COLEC12: variants seen among roughly 807,000 people sequenced by gnomAD.
COLEC12 encodes the protein collectin-12.
Under a neutral mutation model 71.1 loss-of-function variants are expected in COLEC12, and 33 were observed. The ratio of observed to expected loss-of-function variants is 0.46; its 90% CI spans 0.35 to 0.62. The LOEUF (loss-of-function observed/expected upper bound fraction) is 0.62, where lower values mean the gene tolerates loss of function less well. Ranked by LOEUF, COLEC12 falls within the 20% of genes least tolerant of loss-of-function variation. The pLI is 0.00. For synonymous variants in COLEC12, 350 were observed against 353.0 expected (o/e 0.99, Z 0.10); for missense variants, 765 against 916.1 (o/e 0.84, Z 2.13).
At chr18:482,995 A>T (rs1917452868) in intron 1 of COLEC12, among the ~76,000 whole-genome samples, 2 of 152,242 alleles carry the variant, frequency 1.3e-5, no homozygotes, top group African/African-American at 4.8e-5. Flanking sequence ...AAGAGACATG[A>T]TCTAGCTATA....
chr18:367,818 C>T (rs1567886287), intron 2 of COLEC12, among the ~76,000 whole-genome samples: 1 of 152,130 alleles, frequency 6.6e-6, no homozygotes, highest in Admixed American at 6.5e-5. Flanking sequence ...GGCCTGGTGT[C>T]GTGGCCCATG....
intron 2 of COLEC12, among the ~76,000 whole-genome samples, chr18:390,653 G>A (rs913845931): frequency 1.2e-4 from 19 of 152,038 alleles, no homozygotes; most frequent in Non-Finnish European, 1.9e-4. Flanking sequence ...CCAGCTACTC[G>A]GGAGGATGAG....
chr18:448,957 G>A (rs1259900369), intron 2 of COLEC12, among the ~76,000 whole-genome samples: 1 of 152,042 alleles, frequency 6.6e-6, no homozygotes, highest in Non-Finnish European at 1.5e-5. Context: ...AGAATTGTTG[G>A]CTAGATACAC....
intron 2 of COLEC12, among the ~76,000 whole-genome samples, chr18:451,296 C>A (rs1467328413): frequency 6.6e-6 from 1 of 152,128 alleles, no homozygotes; most frequent in Non-Finnish European, 1.5e-5. Flanking sequence ...GACGTTTCCA[C>A]CTAAATGACC....
rs1469346038 is a variant in COLEC12 at position 480,544 on chromosome 18, C to G, written c.58+163G>C. Among the ~76,000 whole-genome samples the G allele has an allele frequency of 6.6e-6, 1 of 152,244 alleles. No individual in the cohort carries two copies. Among genetic ancestry groups the G allele is most frequent in the Middle Eastern group, 3.4e-3 (1 of 294 alleles). Reference sequence around the variant, plus strand: ...CCCTCAGAATTGTGAGAAACCCTCCCCCTGGGACACAGACACTCACTTTCC... The same window carrying G: ...CCCTCAGAATTGTGAGAAACCCTCCGCCTGGGACACAGACACTCACTTTCC... On this transcript the variant is annotated intron_variant, in intron 2 of 9. Transcript: ENST00000400256. The surrounding 1 kb of genome is among the most constrained non-coding windows in gnomAD (Gnocchi z 4.1).
chr18:436,525 A>AAGG (rs1491456419), intron 2 of COLEC12, among the ~76,000 whole-genome samples: 10 of 98,922 alleles, frequency 1.0e-4, no homozygotes, highest in African/African-American at 4.2e-4. Flanking sequence ...CAAAAAAAAA[A>AAGG]GGGGGGGGGG....
intron 2 of COLEC12, among the ~76,000 whole-genome samples, chr18:431,636 T>C (rs542172772): frequency 1.8e-4 from 27 of 152,254 alleles, no homozygotes; most frequent in Admixed American, 3.3e-4. Context: ...GTGTGACATG[T>C]TGAGTTTGAA....
At chr18:347,808 T>G (rs6506120) in intron 4 of COLEC12, among the ~76,000 whole-genome samples, 3,450 of 152,028 alleles carry the variant, frequency 0.023, 131 homozygotes, top group African/African-American at 0.078. Flanking sequence ...GGTATTTGTG[T>G]TTTTTTTCAG....
At chr18:343,353 G>A (rs1409589327) in intron 5 of COLEC12, among the ~76,000 whole-genome samples, 1 of 152,026 alleles carries the variant, frequency 6.6e-6, no homozygotes, top group East Asian at 1.9e-4. Flanking sequence ...TAAAGCTGGG[G>A]TCCCTGTTGT....
intron 2 of COLEC12, among the ~76,000 whole-genome samples, chr18:412,927 G>A (rs10460012): frequency 0.037 from 5,655 of 152,172 alleles, 167 homozygotes; most frequent in East Asian, 0.17. Context: ...AGGTAACAAT[G>A]ACAAAAAATA....
chr18:376,408 G>A (rs566355860), intron 2 of COLEC12, among the ~76,000 whole-genome samples: 3 of 152,304 alleles, frequency 2.0e-5, no homozygotes, highest in Non-Finnish European at 4.4e-5. Context: ...CACCATAACA[G>A]GAAAAGAGGT....
chr18:481,114 A>G (rs1372239174), intron 1 of COLEC12, among the ~76,000 whole-genome samples: 1 of 152,156 alleles, frequency 6.6e-6, no homozygotes, highest in East Asian at 1.9e-4. Context: ...TGTTGTCATC[A>G]TGCTTCCTGT....
chr18:337,656 T>C (rs1914148618), intron 5 of COLEC12, among the ~76,000 whole-genome samples: 1 of 152,218 alleles, frequency 6.6e-6, no homozygotes, highest in South Asian at 2.1e-4. Flanking sequence ...CACTGACCTC[T>C]GCCCACAGCT....
chr18:334,602 T>A (rs192751840), intron 6 of COLEC12, 140 bp downstream of exon 6: 1,182 of 663,410 alleles, frequency 1.8e-3, no homozygotes, highest in Non-Finnish European at 2.4e-3. Flanking sequence ...CACTCCAGCC[T>A]GGGCAACAGA....
chr18:417,100 G>GA (rs1916002519), intron 2 of COLEC12, among the ~76,000 whole-genome samples: 1 of 132,418 alleles, frequency 7.6e-6, no homozygotes, highest in South Asian at 2.9e-4. Context: ...GATGTTCTGA[G>GA]AAATGCATGG....
intron 1 of COLEC12, among the ~76,000 whole-genome samples, chr18:485,465 T>C (rs1332789287): frequency 6.6e-6 from 1 of 152,278 alleles, no homozygotes; most frequent in Non-Finnish European, 1.5e-5. Context: ...AGATTTATTC[T>C]GTCTTAAGCT....
chr18:409,750 C>T (rs1190516608), intron 2 of COLEC12, among the ~76,000 whole-genome samples: 2 of 152,246 alleles, frequency 1.3e-5, no homozygotes, highest in East Asian at 3.9e-4. Context: ...AAGTATAGAG[C>T]TCCTTTGTTA....
intron 1 of COLEC12, among the ~76,000 whole-genome samples, chr18:495,438 C>CGAGTT (rs1419514228): frequency 6.6e-6 from 1 of 152,196 alleles, no homozygotes; most frequent in Non-Finnish European, 1.5e-5. Flanking sequence ...GTTAGCAAGA[C>CGAGTT]GAGTGTAGGG....
intron 2 of COLEC12, among the ~76,000 whole-genome samples, chr18:433,532 A>G (rs975658950): frequency 6.6e-6 from 1 of 152,148 alleles, no homozygotes; most frequent in Non-Finnish European, 1.5e-5. Flanking sequence ...GAGATGTTGC[A>G]TTCCCCAGGA....
Sources: gnomAD v4.1 joint callset for allele counts (sites outside exome capture counted in the v4.1 genomes callset) on GRCh38, gnomAD v4.1.1 for gene constraint, Gnocchi (gnomAD v3.1) non-coding constraint, MANE v1.5 for transcripts, NCBI Gene and HGNC (gene_info 2026-07-23, HGNC 2026-07-21) for gene names.